Variants in BTAF1 observed in about 807,000 individuals in gnomAD.
BTAF1 encodes the protein TATA-binding protein-associated factor 172.
Under a neutral mutation model 227.1 loss-of-function variants are expected in BTAF1, and 38 were observed. The ratio of observed to expected loss-of-function variants is 0.17; its 90% CI spans 0.13 to 0.22. BTAF1 has a LOEUF of 0.22. BTAF1 is among the 10% of genes least tolerant of loss of function. The pLI, the probability that BTAF1 is intolerant of heterozygous loss-of-function variation, is 1.00. For synonymous variants in BTAF1, 742 were observed against 751.9 expected (o/e 0.99, Z 0.21); for missense variants, 1,598 against 2,204.0 (o/e 0.73, Z 5.51).
chr10:91,938,729 G>T (rs1467557093), intron 2 of BTAF1, among the ~76,000 whole-genome samples: 2 of 152,114 alleles, frequency 1.3e-5, no homozygotes, highest in African/African-American at 4.8e-5. Flanking sequence ...ATGCCCATAG[G>T]CACAGCTACT....
At position 91,942,462 on chromosome 10, in the gene BTAF1, A is replaced by G. The variant is rs372700430; in HGVS notation, c.294A>G (p.Thr98=). The G allele has an allele frequency of 6.2e-7, 1 of 1,614,000 alleles. No homozygotes were observed. Among genetic ancestry groups the G allele is most frequent in the Non-Finnish European group, 8.5e-7 (1 of 1,179,862 alleles). The change falls in exon 4 of 38, where the codon ACA becomes ACG. Residue 98 remains threonine (T), a synonymous_variant. Coordinates refer to ENST00000265990, the MANE Select transcript of BTAF1 (RefSeq NM_003972.3). The stretch of plus-strand genomic sequence containing the variant: ...GTTCTATGGAAGATTCACCTACTAC[A>G]GAGCGATTGAATTTTGACAGATTTG... ...SESSMEDSPT[T]ERLNFDRFDI... is the part of the protein sequence containing the mutation.
chr10:91,981,898 ATAAG>A lies in BTAF1; in HGVS notation c.1905+111_1905+114del, dbSNP rs1243375212. The A allele has an allele frequency of 2.2e-6, 3 of 1,384,182 alleles. No individual in the cohort carries two copies. The East Asian group carries it at 7.5e-5, about 34-fold the overall frequency. 85.7% of individuals were successfully genotyped at this position (1,384,182 alleles called of 1,614,324 possible). A position where few individuals can be genotyped will look rare whatever the true frequency, so the allele number is the denominator to read the frequency against. On this transcript the variant is annotated intron_variant, in intron 16 of 37. Transcript: ENST00000265990. The stretch of plus-strand genomic sequence containing the variant: ...TTGCCTTAAGTGTGATTTAATTAAC[ATAAG>A]TAAGGAGAAACCGTTATTTTATTAG...
chr10:92,004,678 C>A (rs967885121), intron 25 of BTAF1, among the ~76,000 whole-genome samples: 1 of 152,072 alleles, frequency 6.6e-6, no homozygotes, highest in East Asian at 1.9e-4. Context: ...TCTGTTTACC[C>A]CGGGCTGGTC....
At chr10:91,964,255 G>A in intron 13 of BTAF1, 54 bp downstream of exon 13, 3 of 1,554,510 alleles carry the variant, frequency 1.9e-6, no homozygotes, top group Non-Finnish European at 2.6e-6. Flanking sequence ...TACCTTTCGA[G>A]ATAATTCAGC....
chr10:91,960,292 A>G, intron 11 of BTAF1, 138 bp downstream of exon 11: 1 of 837,740 alleles, frequency 1.2e-6, no homozygotes, highest in Non-Finnish European at 1.7e-6. Flanking sequence ...GTCTTGAGAG[A>G]GTGTCATAGA....
intron 1 of BTAF1, 29 bp downstream of exon 1, chr10:91,924,119 G>T: frequency 6.2e-7 from 1 of 1,605,226 alleles, no homozygotes; most frequent in Non-Finnish European, 8.5e-7. Flanking sequence ...GAGCAAACTG[G>T]AAGGCGATTC....
intron 21 of BTAF1, among the ~76,000 whole-genome samples, chr10:91,993,094 T>A (rs1564701910): frequency 6.6e-6 from 1 of 152,346 alleles, no homozygotes; most frequent in East Asian, 1.9e-4. Context: ...TTCTGTAAAG[T>A]CTTTTTCATT....
At chr10:91,941,381 G>A (rs983603335) in intron 3 of BTAF1, among the ~76,000 whole-genome samples, 15 of 152,182 alleles carry the variant, frequency 9.9e-5, no homozygotes, top group Non-Finnish European at 2.1e-4. Context: ...TTTAAGTTAA[G>A]CAGTTATACT....
At chr10:91,946,648 A>T (rs563306245) in intron 4 of BTAF1, among the ~76,000 whole-genome samples, 1 of 152,268 alleles carries the variant, frequency 6.6e-6, no homozygotes, top group East Asian at 1.9e-4. Context: ...CATTTCCCTG[A>T]TGTCCAATAA....
At chr10:91,971,917 A>G (rs1215410465) in intron 14 of BTAF1, among the ~76,000 whole-genome samples, 1 of 150,822 alleles carries the variant, frequency 6.6e-6, no homozygotes, top group African/African-American at 2.4e-5. Flanking sequence ...CATAATTGAC[A>G]TTTCTTATAA....
intron 19 of BTAF1, among the ~76,000 whole-genome samples, chr10:91,988,379 T>C (rs1848544923): frequency 6.6e-6 from 1 of 152,214 alleles, no homozygotes; most frequent in Non-Finnish European, 1.5e-5. Context: ...GTTTTTAAAC[T>C]TTTAGCATTG....
intron 1 of BTAF1, among the ~76,000 whole-genome samples, chr10:91,932,269 A>G (rs569917365): frequency 6.6e-6 from 1 of 152,304 alleles, no homozygotes; most frequent in South Asian, 2.1e-4. Context: ...GCTATTTGGG[A>G]CAAGCGTAAC....
chr10:91,935,502 T>A (rs1844548226), intron 1 of BTAF1, 155 bp from the exon 2 acceptor site: 1 of 723,224 alleles, frequency 1.4e-6, no homozygotes, highest in Non-Finnish European at 2.0e-6. Context: ...TTTATCTTTC[T>A]GTGTCTGGCT....
In BTAF1 at chr10:91,989,428, T is replaced by A; in HGVS notation, c.2702T>A (p.Ile901Lys). 1 of 1,614,162 alleles carries A rather than the reference T, an allele frequency of 6.2e-7. No individual in the cohort carries two copies. The highest frequency in any genetic ancestry group is 8.5e-7 in the Non-Finnish European group (1 of 1,180,026). The change falls in exon 20 of 38, where the codon ATA (isoleucine) becomes AAA (lysine). Residue 901 changes from isoleucine to lysine, a missense_variant. Ile to Lys is a moderately radical substitution (Grantham distance 102). This residue lies in a region of BTAF1 where 425 missense variants were observed against 491.2 expected (regional missense o/e 0.87). Coordinates refer to ENST00000265990, the MANE Select transcript of BTAF1 (RefSeq NM_003972.3). Reference sequence around the variant, plus strand: ...GTGCAAAACTATGCAGCTCAGTGCATAGCTAAACTCCTTCAGCAGTGCACA... The same window carrying A: ...GTGCAAAACTATGCAGCTCAGTGCAAAGCTAAACTCCTTCAGCAGTGCACA... ...TLVQNYAAQCIAKLLQQCTTR... is the reference protein window; with the variant it reads ...TLVQNYAAQCKAKLLQQCTTR...
Position 91,939,940 on chromosome 10 carries a change from A to G in BTAF1, c.139-12A>G. 1.3e-6 allele frequency: 2 copies of G among 1,570,904 alleles called. No homozygotes were observed. Among genetic ancestry groups the G allele is most frequent in the Non-Finnish European group, 1.7e-6 (2 of 1,144,088 alleles). On this transcript the variant is annotated splice_polypyrimidine_tract_variant and intron_variant, in intron 2 of 37. Transcript: ENST00000265990. ...TTTTTGTATACGTAACTTTTATTTT[A>G]TAATTTTTAAGGTGTTGATATATTT...
chr10:91,981,439 A>T (rs954718669), intron 15 of BTAF1, among the ~76,000 whole-genome samples: 3 of 152,238 alleles, frequency 2.0e-5, no homozygotes, highest in Admixed American at 2.0e-4. Context: ...TTAAAAAAAA[A>T]CTTTCCTTTG....
At chr10:91,948,345 A>T (rs1845528781) in intron 4 of BTAF1, among the ~76,000 whole-genome samples, 1 of 150,990 alleles carries the variant, frequency 6.6e-6, no homozygotes, top group African/African-American at 2.4e-5. Flanking sequence ...TTTTTTTCAG[A>T]TACTATATTT....
intron 22 of BTAF1, among the ~76,000 whole-genome samples, 188 bp downstream of exon 22, chr10:91,994,035 T>G (rs1848980971): frequency 6.6e-6 from 1 of 152,194 alleles, no homozygotes; most frequent in Non-Finnish European, 1.5e-5. Flanking sequence ...ATATTTGGGT[T>G]GGGCATGGTG....
At chr10:91,973,626 CG>C (rs1564685953) in intron 14 of BTAF1, among the ~76,000 whole-genome samples, 1 of 152,090 alleles carries the variant, frequency 6.6e-6, no homozygotes, top group Admixed American at 6.5e-5. Context: ...CTTTCCCGGC[CG>C]GGCGCGGTGG....
Sources: gnomAD v4.1 joint callset for allele counts (sites outside exome capture counted in the v4.1 genomes callset) on GRCh38, gnomAD v4.1.1 for gene constraint, gnomAD v4.1.1 regional missense constraint, MANE v1.5 for transcripts, NCBI Gene and HGNC (gene_info 2026-07-23, HGNC 2026-07-21) for gene names.